DIAPH2: variants seen among roughly 807,000 people sequenced by gnomAD.
The protein encoded by DIAPH2 is protein diaphanous homolog 2.
A neutral mutation model predicts 92.7 loss-of-function variants in DIAPH2; 35 were observed. That is an observed-to-expected ratio of 0.38 (90% confidence interval 0.29 to 0.50). DIAPH2 has a LOEUF of 0.50. Ranked by LOEUF, DIAPH2 falls within the 20% of genes least tolerant of loss-of-function variation. DIAPH2 has a pLI of 0.94. For synonymous variants in DIAPH2, 301 were observed against 280.4 expected (o/e 1.07, Z -0.73); for missense variants, 701 against 819.5 (o/e 0.86, Z 1.77).
At chrX:97,363,841 T>C (rs1285776934) in intron 24 of DIAPH2, among the ~76,000 whole-genome samples, 1 of 110,612 alleles carries the variant, frequency 9.0e-6, no homozygotes, top group Non-Finnish European at 1.9e-5. Context: ...AAGCATGTAG[T>C]GAAGTAAAAG....
chrX:97,369,155 G>C (rs748654388), intron 24 of DIAPH2, among the ~76,000 whole-genome samples: 1 of 110,939 alleles, frequency 9.0e-6, no homozygotes, highest in African/African-American at 3.3e-5. Context: ...TGATCCGCCC[G>C]CCTCAGCCTC....
intron 16 of DIAPH2, among the ~76,000 whole-genome samples, chrX:96,960,205 G>A (rs868429770): frequency 5.4e-5 from 6 of 111,336 alleles, no homozygotes; most frequent in Non-Finnish European, 1.1e-4. Flanking sequence ...GAGTTGTATG[G>A]TCGTTTTAAC....
chrX:96,762,279 C>T (rs1418806790), intron 4 of DIAPH2, among the ~76,000 whole-genome samples: 1 of 111,137 alleles, frequency 9.0e-6, no homozygotes, highest in East Asian at 2.8e-4. Context: ...AATTCTGCCT[C>T]TCAGAAATTC....
chrX:97,226,442 C>T (rs984608128), intron 22 of DIAPH2, among the ~76,000 whole-genome samples: 18 of 110,952 alleles, frequency 1.6e-4, no homozygotes, highest in Non-Finnish European at 2.8e-4. Context: ...GGCGCGATCT[C>T]GGCTCACTGC....
intron 25 of DIAPH2, 128 bp from the exon 26 acceptor site, chrX:97,429,522 A>G: frequency 1.1e-6 from 1 of 924,361 alleles, no homozygotes; most frequent in East Asian, 3.6e-5. Flanking sequence ...AGGATCCATT[A>G]TGTTAAAACA....
At chrX:96,909,427 A>G (rs925596543) in intron 5 of DIAPH2, among the ~76,000 whole-genome samples, 1 of 111,166 alleles carries the variant, frequency 9.0e-6, no homozygotes, top group Non-Finnish European at 1.9e-5. Flanking sequence ...AAGCAGTAAA[A>G]CAGTAAGTGC....
intron 23 of DIAPH2, among the ~76,000 whole-genome samples, chrX:97,268,102 G>A (rs1024221324): frequency 8.9e-6 from 1 of 112,170 alleles, no homozygotes; most frequent in African/African-American, 3.2e-5. Flanking sequence ...CAAAGAGCTA[G>A]AGCAGAAAAT....
intron 26 of DIAPH2, among the ~76,000 whole-genome samples, chrX:97,457,590 C>G (rs778844880): frequency 2.7e-5 from 3 of 111,458 alleles, no homozygotes; most frequent in Non-Finnish European, 5.7e-5. Context: ...GATATTGGAC[C>G]GGGCTATGGT....
chrX:96,862,842 G>T (rs1305180936), intron 4 of DIAPH2, among the ~76,000 whole-genome samples: 2 of 111,380 alleles, frequency 1.8e-5, no homozygotes, highest in Non-Finnish European at 1.9e-5. Flanking sequence ...GAGAATCCTG[G>T]ACTGTAAACT....
intron 23 of DIAPH2, among the ~76,000 whole-genome samples, chrX:97,287,233 A>G (rs2068550326): frequency 9.1e-6 from 1 of 110,269 alleles, no homozygotes; most frequent in African/African-American, 3.3e-5. Flanking sequence ...TTGAACCTGG[A>G]GGCAGAGGTT....
chrX:97,262,528 G>T (rs1004383618), intron 23 of DIAPH2, among the ~76,000 whole-genome samples: 1 of 112,352 alleles, frequency 8.9e-6, no homozygotes, highest in Non-Finnish European at 1.9e-5. Context: ...GGAAGACATT[G>T]TATAAGGGAA....
chrX:97,050,914 G>A (rs1422521512), intron 17 of DIAPH2, among the ~76,000 whole-genome samples: 1 of 111,970 alleles, frequency 8.9e-6, no homozygotes, highest in Non-Finnish European at 1.9e-5. Context: ...AGTGAAGGTG[G>A]TAACATTGTT....
chrX:96,837,433 CTGTGTG>C (rs1168572857), intron 4 of DIAPH2, among the ~76,000 whole-genome samples: 1 of 41,340 alleles, frequency 2.4e-5, no homozygotes, highest in African/African-American at 1.8e-4. Flanking sequence ...CTCTCTCTCT[CTGTGTG>C]TGTGTGTGTG....
intron 21 of DIAPH2, among the ~76,000 whole-genome samples, chrX:97,119,150 A>C (rs2067037091): frequency 9.1e-6 from 1 of 110,151 alleles, no homozygotes; most frequent in Non-Finnish European, 1.9e-5. Context: ...CTATTACCAG[A>C]GTTGGTTTTC....
chrX:96,996,950 T>C (rs1221653287), intron 17 of DIAPH2, among the ~76,000 whole-genome samples: 2 of 112,234 alleles, frequency 1.8e-5, no homozygotes, highest in African/African-American at 6.5e-5. Flanking sequence ...TTTTCTTATT[T>C]ATAACTCTTT....
At chrX:97,125,471 CAAAAAAAAA>C (rs1159049051) in intron 21 of DIAPH2, among the ~76,000 whole-genome samples, 3 of 19,205 alleles carry the variant, frequency 1.6e-4, no homozygotes, top group Non-Finnish European at 2.0e-4. Flanking sequence ...GACTCCGTCT[CAAAAAAAAA>C]AAAAAAAAAA....
chrX:97,229,988 A>G (rs1055722600), intron 22 of DIAPH2, among the ~76,000 whole-genome samples: 14 of 108,880 alleles, frequency 1.3e-4, no homozygotes, highest in Non-Finnish European at 2.5e-4. Context: ...ATAGAGAAAA[A>G]AACGCGTTTA....
chrX:97,151,284 A>C (rs1296816311), intron 22 of DIAPH2, among the ~76,000 whole-genome samples: 1 of 111,625 alleles, frequency 9.0e-6, no homozygotes, highest in African/African-American at 3.3e-5. Flanking sequence ...CGGTTTTTAA[A>C]AGCCAGTCAT....
At chrX:96,815,919 C>T (rs759937033) in intron 4 of DIAPH2, among the ~76,000 whole-genome samples, 1 of 111,410 alleles carries the variant, frequency 9.0e-6, no homozygotes, top group Non-Finnish European at 1.9e-5. Flanking sequence ...AATGCGCCCA[C>T]CTTGGCCTCC....
Sources: allele counts gnomAD v4.1 joint callset (sites outside exome capture counted in the v4.1 genomes callset), GRCh38; gene constraint gnomAD v4.1.1; transcripts MANE v1.5; gene names NCBI Gene and HGNC (gene_info 2026-07-23, HGNC 2026-07-21).